The following GSG1L variants were observed in gnomAD, a reference collection of about 807,000 sequenced individuals.
GSG1L encodes germ cell-specific gene 1-like protein.
GSG1L carries 24 observed loss-of-function variants against 42.1 expected under a neutral mutation model. The observed-to-expected ratio is 0.57, with a 90% CI of 0.41 to 0.80. GSG1L has a LOEUF of 0.80. Ranked by LOEUF, GSG1L falls within the 30% of genes least tolerant of loss-of-function variation. The probability of loss-of-function intolerance (pLI) is 0.00; values close to 1 mark genes in which losing one functional copy is unlikely to be tolerated. For synonymous variants in GSG1L, 215 were observed against 203.5 expected (o/e 1.06, Z -0.48); for missense variants, 445 against 472.2 (o/e 0.94, Z 0.53).
chr16:28,026,623 C>G (rs1157048547), intron 1 of GSG1L, among the ~76,000 whole-genome samples: 1 of 152,224 alleles, frequency 6.6e-6, no homozygotes, highest in Non-Finnish European at 1.5e-5. Context: ...CTTGGTTACA[C>G]TGGGCCCCGT....
At chr16:28,044,725 G>A (rs1339399002) in intron 1 of GSG1L, among the ~76,000 whole-genome samples, 2 of 150,570 alleles carry the variant, frequency 1.3e-5, no homozygotes, top group African/African-American at 2.4e-5. Context: ...TGAGGTTCAA[G>A]TGATTCTCCT....
Position 27,789,347 on chromosome 16 carries a change from TAATG to T in GSG1L, c.*2019_*2022del, listed in dbSNP as rs2082726173. On this transcript the variant is annotated 3_prime_UTR_variant, in exon 7 of 7. Transcript: ENST00000447459. Reference sequence around the variant, plus strand: ...GATGAATGGATGTGTGGATGACGGATAATGGATGGATGGATGGTTGATGGATAAT... The same window carrying T: ...GATGAATGGATGTGTGGATGACGGATGATGGATGGATGGTTGATGGATAAT... The T allele has an allele frequency of 6.6e-6, 1 of 151,614 alleles. No individual in the cohort carries two copies. The highest frequency in any genetic ancestry group is 2.4e-5 in the African/African-American group (1 of 41,242). 9.4% of individuals were successfully genotyped at this position (151,614 alleles called of 1,614,324 possible).
intron 1 of GSG1L, among the ~76,000 whole-genome samples, chr16:27,986,266 A>C (rs2085380765): frequency 6.6e-6 from 1 of 152,156 alleles, no homozygotes; most frequent in South Asian, 2.1e-4. Context: ...TTGGGAGGCC[A>C]AGGCAGGCAG....
At chr16:27,857,021 C>T (rs1012219051) in intron 3 of GSG1L, among the ~76,000 whole-genome samples, 4 of 152,270 alleles carry the variant, frequency 2.6e-5, no homozygotes, top group South Asian at 2.1e-4. Context: ...GGTCTCTCTT[C>T]GATTGGGCAC....
intron 2 of GSG1L, among the ~76,000 whole-genome samples, chr16:27,949,121 T>C (rs2095324275): frequency 6.6e-6 from 1 of 151,546 alleles, no homozygotes; most frequent in Non-Finnish European, 1.5e-5. Flanking sequence ...CTTGTTATGC[T>C]GCCAAGGCTG....
In GSG1L at chr16:27,791,350, G is replaced by A. The variant is rs539405470; in HGVS notation, c.*20C>T. 65 of 1,361,530 alleles carry A rather than the reference G, an allele frequency of 4.8e-5. No homozygotes were observed. The East Asian group carries it at 1.6e-3, about 33-fold the overall frequency. The allele number at this position is 1,361,530 out of a possible 1,614,324, so 84.3% of individuals were successfully genotyped here. ...GTGCCAGCGATGGCCTGAGGTCCGC[G>A]GGCCAGGTTGAGGTCTTGGTCACAC... is the stretch of plus-strand genomic sequence containing the variant. On this transcript the variant is annotated 3_prime_UTR_variant, in exon 7 of 7. Transcript: ENST00000447459.
intron 3 of GSG1L, among the ~76,000 whole-genome samples, chr16:27,874,062 T>C (rs917377302): frequency 2.0e-5 from 3 of 152,158 alleles, no homozygotes; most frequent in African/African-American, 4.8e-5. Context: ...GCTGCAGATA[T>C]GTGCTCCTGT....
intron 1 of GSG1L, among the ~76,000 whole-genome samples, chr16:27,977,986 C>A (rs1472356126): frequency 6.6e-6 from 1 of 152,242 alleles, no homozygotes; most frequent in Non-Finnish European, 1.5e-5. Context: ...CCCCTCACCG[C>A]TAGCCCCTCT....
At chr16:27,998,741 G>A (rs567728422) in intron 1 of GSG1L, among the ~76,000 whole-genome samples, 7 of 152,038 alleles carry the variant, frequency 4.6e-5, no homozygotes, top group African/African-American at 9.6e-5. Flanking sequence ...CTGTGATCGC[G>A]CCACTGCCCT....
intron 1 of GSG1L, among the ~76,000 whole-genome samples, chr16:27,974,386 G>T (rs999282982): frequency 1.1e-4 from 17 of 152,224 alleles, no homozygotes; most frequent in Admixed American, 9.8e-4. Flanking sequence ...TGTGGGGAGA[G>T]GAAGGGTAGG....
At chr16:27,949,617 C>T (rs1215594287) in intron 2 of GSG1L, among the ~76,000 whole-genome samples, 2 of 152,140 alleles carry the variant, frequency 1.3e-5, no homozygotes, top group Non-Finnish European at 1.5e-5. Flanking sequence ...GAGACCCCAT[C>T]TCTAAAAAAT....
At chr16:28,008,912 A>G (rs183183736) in intron 1 of GSG1L, among the ~76,000 whole-genome samples, 3 of 151,964 alleles carry the variant, frequency 2.0e-5, no homozygotes, top group East Asian at 3.9e-4. Flanking sequence ...AGGTTAAAGC[A>G]ATTCTCCTGC....
rs544777750 is a variant in GSG1L at position 28,063,398 on chromosome 16, C to G, written c.27G>C (p.Ala9=). The G allele has an allele frequency of 1.0e-3, 1,368 of 1,337,052 alleles. 10 individuals carry two copies. The African/African-American group carries it at 0.017, about 17-fold the overall frequency. The allele number at this position is 1,337,052 out of a possible 1,614,324, so 82.8% of individuals were successfully genotyped here. ...GCAGGTTCAGGGCCACGGCCAGGAG[C>G]GCTCGGCCGCGGCGGCTAGTCTTCA... The part of the protein sequence containing the change: MKTSRRGR[A]LLAVALNLLA... The change falls in exon 1 of 7, where the codon GCG becomes GCC. Residue 9 remains alanine (A), a synonymous_variant. Coordinates refer to ENST00000447459, the MANE Select transcript of GSG1L (RefSeq NM_001109763.2). This position sits in a 1 kb window ranked among gnomAD's most constrained non-coding sequence, Gnocchi z 5.8.
At chr16:27,842,367 C>T (rs2140980954) in intron 4 of GSG1L, among the ~76,000 whole-genome samples, 1 of 152,290 alleles carries the variant, frequency 6.6e-6, no homozygotes, top group South Asian at 2.1e-4. Flanking sequence ...GCCAGACTGC[C>T]TGGGTTTGAA....
intron 3 of GSG1L, among the ~76,000 whole-genome samples, chr16:27,859,254 C>T (rs978702894): frequency 6.6e-6 from 1 of 152,180 alleles, no homozygotes; most frequent in African/African-American, 2.4e-5. Flanking sequence ...AGACACTTCC[C>T]ATGATAGTGT....
intron 4 of GSG1L, among the ~76,000 whole-genome samples, chr16:27,832,692 T>C (rs1358216702): frequency 6.6e-6 from 1 of 152,266 alleles, no homozygotes; most frequent in African/African-American, 2.4e-5. Flanking sequence ...GTGGCTTTAA[T>C]TTGCACTTCC....
chr16:27,976,424 T>C (rs1018826435), intron 1 of GSG1L, among the ~76,000 whole-genome samples: 4 of 152,174 alleles, frequency 2.6e-5, no homozygotes, highest in Admixed American at 2.0e-4. Flanking sequence ...GCAGACATGA[T>C]TGTGGAATGA....
At chr16:27,866,957 T>C (rs1172698457) in intron 3 of GSG1L, among the ~76,000 whole-genome samples, 3 of 152,128 alleles carry the variant, frequency 2.0e-5, no homozygotes, top group African/African-American at 7.2e-5. Context: ...CCCCCCTGCA[T>C]TCCCCACCAG....
rs560641720 is a variant in GSG1L, at chr16:27,899,887, C to CTGAG, written c.398-15253_398-15250dup. On this transcript the variant is annotated intron_variant, in intron 2 of 6. Coordinates refer to ENST00000447459, the MANE Select transcript of GSG1L (RefSeq NM_001109763.2). ...CTGCCTCAAGCCTGACAGAGCCAGA[C>CTGAG]TGAGTGGGTGGTGGGGAGGTACTGT... Among the ~76,000 whole-genome samples, 28 of 152,302 alleles carry CTGAG rather than the reference C, an allele frequency of 1.8e-4. No individual in the cohort carries two copies. In the East Asian group the frequency reaches 5.4e-3, roughly 29 times the overall value.
Sources: allele counts gnomAD v4.1 joint callset (sites outside exome capture counted in the v4.1 genomes callset), GRCh38; gene constraint gnomAD v4.1.1; non-coding constraint Gnocchi (gnomAD v3.1); transcripts MANE v1.5; gene names NCBI Gene and HGNC (gene_info 2026-07-23, HGNC 2026-07-21).